SAMD5: variants seen among roughly 807,000 people sequenced by gnomAD.
The protein encoded by SAMD5 is sterile alpha motif domain containing 5, also known as sterile alpha motif domain-containing protein 5.
In SAMD5, 13 loss-of-function variants were observed where a neutral mutation model predicts 11.3. The ratio of observed to expected loss-of-function variants is 1.15; its 90% CI spans 0.75 to 1.83. The LOEUF (loss-of-function observed/expected upper bound fraction) is 1.83, where lower values mean the gene tolerates loss of function less well. Ranked by LOEUF, SAMD5 falls within the 40% of genes most tolerant of loss-of-function variation. The pLI is 0.00. For synonymous variants in SAMD5, 129 were observed against 111.3 expected, an observed-to-expected ratio of 1.16 and a Z score of -1.00; for missense variants, 255 against 239.1, an observed-to-expected ratio of 1.07 and a Z score of -0.44.
chr6:147,868,305 GA>G, the SAMD5 span, among the ~76,000 whole-genome samples: 1 of 152,116 alleles, frequency 6.6e-6, no homozygotes, highest in African/African-American at 2.4e-5. Context: ...GTCAGGTTAC[GA>G]GACATTAATC....
chr6:147,890,720 T>A, the SAMD5 span, among the ~76,000 whole-genome samples: 7 of 151,748 alleles, frequency 4.6e-5, no homozygotes, highest in Non-Finnish European at 8.8e-5. Context: ...TGCAGGAAAA[T>A]AGAGACTCAT....
At chr6:147,771,072 TC>T in the SAMD5 span, among the ~76,000 whole-genome samples, 1 of 152,232 alleles carries the variant, frequency 6.6e-6, no homozygotes, top group South Asian at 2.1e-4. Context: ...TAACTTTTTT[TC>T]ATGACCTTTT....
At chr6:147,951,315 G>A in the SAMD5 span, among the ~76,000 whole-genome samples, 1 of 151,912 alleles carries the variant, frequency 6.6e-6, no homozygotes, top group Non-Finnish European at 1.5e-5. Flanking sequence ...CCACGTAGCT[G>A]GGACTACAGG....
intron 1 of SAMD5, among the ~76,000 whole-genome samples, chr6:147,521,667 C>T (rs1788257135): frequency 6.6e-6 from 1 of 151,976 alleles, no homozygotes; most frequent in Non-Finnish European, 1.5e-5. Context: ...ATGTAAAGGG[C>T]CTCATATAAT....
At chr6:147,761,963 T>G in the SAMD5 span, among the ~76,000 whole-genome samples, 1 of 152,272 alleles carries the variant, frequency 6.6e-6, no homozygotes, top group Non-Finnish European at 1.5e-5. Context: ...TCCACCAGCC[T>G]CAGCCTTCCA....
the SAMD5 span, among the ~76,000 whole-genome samples, chr6:147,938,319 T>G: frequency 6.6e-6 from 1 of 151,502 alleles, no homozygotes; most frequent in Admixed American, 6.7e-5. Flanking sequence ...GTACTAAAAG[T>G]GTATTAATCA....
At chr6:147,688,155 A>G (rs938715795) in intron 1 of SAMD5, among the ~76,000 whole-genome samples, 6 of 149,212 alleles carry the variant, frequency 4.0e-5, no homozygotes, top group African/African-American at 4.9e-5. Context: ...TCTTTTTTTT[A>G]GTTTTGAGTT....
the SAMD5 span, among the ~76,000 whole-genome samples, chr6:147,827,586 G>A: frequency 6.6e-6 from 1 of 152,148 alleles, no homozygotes; most frequent in African/African-American, 2.4e-5. Context: ...GAAACTTCAT[G>A]TTCTGTGAAT....
At chr6:147,848,273 G>A in the SAMD5 span, among the ~76,000 whole-genome samples, 2 of 152,272 alleles carry the variant, frequency 1.3e-5, no homozygotes, top group South Asian at 2.1e-4. Flanking sequence ...CGGTCTGGAT[G>A]AGCTCTAAAG....
chr6:147,906,298 G>A, the SAMD5 span, among the ~76,000 whole-genome samples: 891 of 152,234 alleles, frequency 5.9e-3, 3 homozygotes, highest in Non-Finnish European at 9.4e-3. Flanking sequence ...ATTAGACTAC[G>A]ATGAATTTTT....
At chr6:147,763,677 G>A in the SAMD5 span, among the ~76,000 whole-genome samples, 1 of 151,792 alleles carries the variant, frequency 6.6e-6, no homozygotes, top group Non-Finnish European at 1.5e-5. Flanking sequence ...GCCTCCCCTG[G>A]CTTCAAGCCA....
intron 1 of SAMD5, among the ~76,000 whole-genome samples, chr6:147,720,123 G>A (rs1302023859): frequency 1.3e-5 from 2 of 152,294 alleles, no homozygotes; most frequent in East Asian, 1.9e-4. Context: ...GCAGTGTCTC[G>A]TCCCTCCCTA....
chr6:147,630,098 C>T (rs193074594), intron 1 of SAMD5, among the ~76,000 whole-genome samples: 1 of 151,916 alleles, frequency 6.6e-6, no homozygotes, highest in East Asian at 1.9e-4. Flanking sequence ...TACAGGCATG[C>T]ACTGCCACGC....
intron 1 of SAMD5, among the ~76,000 whole-genome samples, chr6:147,578,472 A>G (rs1381947107): frequency 6.6e-6 from 1 of 152,210 alleles, no homozygotes; most frequent in Non-Finnish European, 1.5e-5. Context: ...TTTAAAAATC[A>G]CATCAGTTAT....
intron 1 of SAMD5, among the ~76,000 whole-genome samples, chr6:147,544,399 G>C (rs1788652872): frequency 6.6e-6 from 1 of 151,918 alleles, no homozygotes; most frequent in Non-Finnish European, 1.5e-5. Context: ...GAGTATTAAG[G>C]GTTTTTAAGA....
chr6:147,515,745 T>C (rs1209636566), intron 1 of SAMD5, among the ~76,000 whole-genome samples: 1 of 152,208 alleles, frequency 6.6e-6, no homozygotes, highest in Admixed American at 6.5e-5. Flanking sequence ...TAATGCCTGA[T>C]GTATAATAGT....
the SAMD5 span, among the ~76,000 whole-genome samples, chr6:147,899,125 C>T: frequency 5.7e-5 from 8 of 139,760 alleles, no homozygotes; most frequent in Non-Finnish European, 1.0e-4. Flanking sequence ...GAGCCAAGAT[C>T]GCGCCACTGC....
intron 1 of SAMD5, among the ~76,000 whole-genome samples, chr6:147,617,741 G>A (rs1789894097): frequency 6.6e-6 from 1 of 152,200 alleles, no homozygotes; most frequent in Non-Finnish European, 1.5e-5. Context: ...AGGAGAAAGG[G>A]AATTTGGCCA....
At chr6:147,887,077 ACTG>A in the SAMD5 span, among the ~76,000 whole-genome samples, 2 of 152,232 alleles carry the variant, frequency 1.3e-5, no homozygotes, top group Non-Finnish European at 2.9e-5. Context: ...GCTGTTTTAA[ACTG>A]CTAAGTTTCA....
Sources: gnomAD v4.1 joint callset for allele counts (sites outside exome capture counted in the v4.1 genomes callset) on GRCh38, gnomAD v4.1.1 for gene constraint, MANE v1.5 for transcripts, NCBI Gene and HGNC (gene_info 2026-07-23, HGNC 2026-07-21) for gene names.